SH3RF3: variants seen among roughly 807,000 people sequenced by gnomAD.
The protein encoded by SH3RF3 is E3 ubiquitin-protein ligase SH3RF3.
SH3RF3 carries 29 observed loss-of-function variants against 66.3 expected under a neutral mutation model. The observed-to-expected ratio is 0.44, with a 90% CI of 0.33 to 0.60. The LOEUF (loss-of-function observed/expected upper bound fraction) is 0.60. SH3RF3 is among the 20% of genes least tolerant of loss of function. SH3RF3 has a pLI of 0.04. For synonymous variants in SH3RF3, 583 were observed against 532.0 expected, an observed-to-expected ratio of 1.10 and a Z score of -1.32; for missense variants, 1,194 against 1,190.9, an observed-to-expected ratio of 1.00 and a Z score of -0.04.
At chr2:109,405,471 G>A (rs1035021549) in intron 4 of SH3RF3, among the ~76,000 whole-genome samples, 2 of 152,028 alleles carry the variant, frequency 1.3e-5, no homozygotes. Flanking sequence ...GTCCATTCCC[G>A]TGAGCCTGTG....
At chr2:109,315,914 G>C (rs79189216) in intron 1 of SH3RF3, among the ~76,000 whole-genome samples, 47,360 of 151,988 alleles carry the variant, frequency 0.31, 9,124 homozygotes, top group African/African-American at 0.55. Context: ...GCATAGGTCT[G>C]TGTCTCTGGG....
At chr2:109,282,343 A>G (rs1680915535) in intron 1 of SH3RF3, among the ~76,000 whole-genome samples, 1 of 152,188 alleles carries the variant, frequency 6.6e-6, no homozygotes, top group Non-Finnish European at 1.5e-5. Flanking sequence ...CTTAACCAAA[A>G]AAATCTACCC....
intron 1 of SH3RF3, among the ~76,000 whole-genome samples, chr2:109,190,376 G>A (rs567230352): frequency 2.0e-5 from 3 of 152,358 alleles, no homozygotes; most frequent in African/African-American, 4.8e-5. Flanking sequence ...GTTTCGCCAT[G>A]TTGGCCAGGC....
intron 8 of SH3RF3, among the ~76,000 whole-genome samples, chr2:109,457,821 C>T (rs910213379): frequency 3.3e-5 from 5 of 152,180 alleles, no homozygotes; most frequent in Non-Finnish European, 7.3e-5. Flanking sequence ...AGCGCACACC[C>T]CATAAACTAC....
rs531939479 is a variant in SH3RF3, at chr2:109,265,224, C to T, written c.574-82450C>T. Among the ~76,000 whole-genome samples, 7 of 152,200 alleles carry T rather than the reference C, an allele frequency of 4.6e-5. No homozygotes were observed. In the East Asian group the frequency reaches 9.7e-4, roughly 21 times the overall value. ...AAGGAAGGCAGGGAGAACAGCTGCA[C>T]ATTAGGATTAAAGGGCCAAGGCAGG... On this transcript the variant is annotated intron_variant, in intron 1 of 9. Transcript: ENST00000309415.
intron 8 of SH3RF3, among the ~76,000 whole-genome samples, chr2:109,471,492 T>TCCAGGTCC (rs1483358573): frequency 1.3e-5 from 2 of 152,144 alleles, no homozygotes; most frequent in Non-Finnish European, 2.9e-5. Flanking sequence ...GTCCCCTCCC[T>TCCAGGTCC]CCAGGTCCCT....
At chr2:109,294,993 C>A (rs964913220) in intron 1 of SH3RF3, among the ~76,000 whole-genome samples, 14 of 152,256 alleles carry the variant, frequency 9.2e-5, no homozygotes, top group African/African-American at 3.1e-4. Context: ...GGTAGCCAGG[C>A]CTTTTCCAAG....
At chr2:109,255,679 C>T (rs1384265271) in intron 1 of SH3RF3, among the ~76,000 whole-genome samples, 1 of 152,148 alleles carries the variant, frequency 6.6e-6, no homozygotes, top group African/African-American at 2.4e-5. Context: ...AACTACTTAC[C>T]AGAAAACATG....
chr2:109,431,503 C>T (rs1038983712), intron 5 of SH3RF3, among the ~76,000 whole-genome samples: 40 of 152,174 alleles, frequency 2.6e-4, no homozygotes, highest in African/African-American at 9.4e-4. Context: ...ATGAGAGTAG[C>T]TTGGCCCATG....
At chr2:109,404,391 C>G (rs191766769) in intron 4 of SH3RF3, among the ~76,000 whole-genome samples, 1 of 152,220 alleles carries the variant, frequency 6.6e-6, no homozygotes, top group African/African-American at 2.4e-5. Flanking sequence ...CAGGCCAGCG[C>G]CTGGCCTCTG....
intron 8 of SH3RF3, among the ~76,000 whole-genome samples, chr2:109,455,636 G>A (rs1678031839): frequency 1.3e-5 from 2 of 152,184 alleles, no homozygotes; most frequent in Admixed American, 6.5e-5. Context: ...CTTTTGAGTG[G>A]CCAGGCAGCT....
intron 1 of SH3RF3, among the ~76,000 whole-genome samples, chr2:109,189,426 T>G (rs1030533828): frequency 2.7e-5 from 4 of 150,380 alleles, no homozygotes; most frequent in African/African-American, 9.8e-5. Flanking sequence ...TGGAGTGCAA[T>G]AGCGCTATCT....
At chr2:109,492,561 G>A (rs138244287) in intron 9 of SH3RF3, among the ~76,000 whole-genome samples, 6 of 152,156 alleles carry the variant, frequency 3.9e-5, no homozygotes, top group Admixed American at 1.3e-4. Context: ...TTCCCCAAGC[G>A]CTACATGTGT....
At chr2:109,323,970 TC>T (rs1343475649) in intron 1 of SH3RF3, among the ~76,000 whole-genome samples, 1 of 152,188 alleles carries the variant, frequency 6.6e-6, no homozygotes, top group Admixed American at 6.5e-5. Flanking sequence ...CACTCTCTGT[TC>T]CCCTTCCCCC....
chr2:109,371,795 C>T lies in SH3RF3; in HGVS notation c.945+114C>T, dbSNP rs1683278377. The T allele has an allele frequency of 1.0e-5, 9 of 863,094 alleles. No individual in the cohort carries two copies. The South Asian group carries it at 1.3e-4, about 12-fold the overall frequency. The allele number at this position is 863,094 out of a possible 1,614,324, so 53.5% of individuals were successfully genotyped here. ...TCTAAGAGAGAAAGAGGATCCTCCA[C>T]AATAGCCTCTGGCCAGAGAGCTGCT... On this transcript the variant is annotated intron_variant, in intron 3 of 9. Transcript: ENST00000309415.
At chr2:109,272,057 C>T (rs1230201298) in intron 1 of SH3RF3, among the ~76,000 whole-genome samples, 2 of 152,186 alleles carry the variant, frequency 1.3e-5, no homozygotes, top group Non-Finnish European at 1.5e-5. Context: ...CCTGTCCCAT[C>T]CCTGTGTCAT....
intron 1 of SH3RF3, among the ~76,000 whole-genome samples, chr2:109,148,310 G>A (rs554876903): frequency 1.3e-5 from 2 of 152,358 alleles, no homozygotes; most frequent in East Asian, 3.9e-4. Flanking sequence ...CACCGGGACG[G>A]TGTGCTGCAG....
chr2:109,199,607 T>TCAACCCGAGTGCAG (rs1558953948), intron 1 of SH3RF3, among the ~76,000 whole-genome samples: 1 of 276 alleles, frequency 3.6e-3, no homozygotes. Context: ...TGGAATGGAA[T>TCAACCCGAGTGCAG]GGAATGGAAT....
chr2:109,452,630 CTG>C (rs1413730108), intron 8 of SH3RF3, among the ~76,000 whole-genome samples: 1 of 152,196 alleles, frequency 6.6e-6, no homozygotes, highest in Non-Finnish European at 1.5e-5. Flanking sequence ...CGCCATATCC[CTG>C]TGTGTGGAGA....
Sources: allele counts gnomAD v4.1 joint callset (sites outside exome capture counted in the v4.1 genomes callset), GRCh38; gene constraint gnomAD v4.1.1; transcripts MANE v1.5; gene names NCBI Gene and HGNC (gene_info 2026-07-23, HGNC 2026-07-21).